Variants in EGF observed in about 807,000 individuals in gnomAD.
The protein encoded by EGF is epidermal growth factor, also known as pro-epidermal growth factor.
A neutral mutation model predicts 143.8 loss-of-function variants in EGF; 95 were observed. That is an observed-to-expected ratio of 0.66 (90% CI 0.56 to 0.78). The LOEUF (loss-of-function observed/expected upper bound fraction) is 0.78, where lower values mean the gene tolerates loss of function less well. Among genes scored for constraint, EGF ranks in the 30% least tolerant of loss-of-function variants. The pLI is 0.00. For missense variants in EGF, 1,320 were observed against 1,470.9 expected (o/e 0.90, Z 1.68); for synonymous variants, 510 against 510.5 (o/e 1.00, Z 0.01).
Position 109,963,225 on chromosome 4 carries a change from C to G in EGF, c.1365C>G (p.Ser455Arg). The G allele has an allele frequency of 6.2e-7, 1 of 1,614,024 alleles. No individual in the cohort carries two copies. Among genetic ancestry groups the G allele is most frequent in the Non-Finnish European group, 8.5e-7 (1 of 1,179,948 alleles). ...GGCSQLCVPLSPVSWECDCFP... is the reference protein window; with the variant it reads ...GGCSQLCVPLRPVSWECDCFP... ...GTAGCCAGCTCTGCGTTCCTCTTAG[C>G]CCAGTATCCTGGGAATGTGATTGCT... is the stretch of plus-strand genomic sequence containing the variant. Residue 455 changes from serine (S) to arginine (R), a missense_variant, in exon 9 of 24, where the codon AGC becomes AGG. By Grantham distance (110) the Ser-to-Arg change is moderately radical. Transcript: ENST00000265171.
intron 15 of EGF, among the ~76,000 whole-genome samples, chr4:109,982,743 CA>C (rs751609049): frequency 1.3e-5 from 2 of 152,060 alleles, no homozygotes; most frequent in Non-Finnish European, 2.9e-5. Flanking sequence ...AGCTGTTGCC[CA>C]CATTCCTTTT....
chr4:109,919,342 ATC>A (rs1426945677), intron 1 of EGF, among the ~76,000 whole-genome samples: 12 of 50,510 alleles, frequency 2.4e-4, no homozygotes, highest in East Asian at 4.5e-4. Context: ...TCTCTCTCTC[ATC>A]TCTCTCTCTC....
chr4:109,940,445 A>G (rs1050220149), intron 1 of EGF, among the ~76,000 whole-genome samples: 8 of 152,118 alleles, frequency 5.3e-5, no homozygotes, highest in African/African-American at 1.7e-4. Context: ...CAGCATTTCA[A>G]TTTTTCCTGC....
At chr4:109,943,158 T>A (rs773188541) in intron 2 of EGF, 96 bp from the exon 3 acceptor site, 28 of 875,416 alleles carry the variant, frequency 3.2e-5, no homozygotes, top group Non-Finnish European at 4.6e-5. Flanking sequence ...AGATGACAAA[T>A]ACTTAAAAGA....
chr4:110,004,027 T>C (rs1426917929), intron 21 of EGF, among the ~76,000 whole-genome samples: 2 of 152,096 alleles, frequency 1.3e-5, no homozygotes, highest in Non-Finnish European at 1.5e-5. Context: ...GGAGCTAACA[T>C]AGTCTGCCTC....
At chr4:109,990,649 T>C (rs1315050835) in intron 18 of EGF, among the ~76,000 whole-genome samples, 2 of 152,146 alleles carry the variant, frequency 1.3e-5, no homozygotes, top group East Asian at 3.8e-4. Flanking sequence ...CCTCTCATGG[T>C]TCTGGAGGCT....
chr4:109,927,084 C>CA (rs1738812210), intron 1 of EGF, among the ~76,000 whole-genome samples: 1 of 152,134 alleles, frequency 6.6e-6, no homozygotes, highest in Admixed American at 6.5e-5. Context: ...GGTTAGTTTT[C>CA]ATTTACTGTT....
chr4:109,983,958 G>C (rs1486153834), intron 16 of EGF, among the ~76,000 whole-genome samples: 3 of 152,190 alleles, frequency 2.0e-5, no homozygotes, highest in Admixed American at 6.5e-5. Context: ...GCTGCAGAAA[G>C]TCCACAAACA....
chr4:110,003,572 A>C (rs1752857012), intron 21 of EGF, among the ~76,000 whole-genome samples: 1 of 152,140 alleles, frequency 6.6e-6, no homozygotes. Flanking sequence ...AGAGGGTTGC[A>C]TTCCTAGAGG....
In EGF at chr4:109,983,448, G is replaced by A. The variant is rs1467063029; in HGVS notation, c.2398G>A (p.Val800Ile). ...TGGTGAAGTTGATCTAAAGAACCAA[G>A]TAACACCATTGGACATCTTGTCCAA... ...AGGEVDLKNQ[V>I]TPLDILSKTR... Residue 800 changes from valine (V) to isoleucine (I), a missense_variant, in exon 16 of 24, where the codon GTA (valine) becomes ATA (isoleucine). Coordinates refer to ENST00000265171, the MANE Select transcript of EGF (RefSeq NM_001963.6). The A allele has an allele frequency of 6.2e-7, 1 of 1,613,632 alleles. No homozygotes were observed. The highest frequency in any genetic ancestry group is 1.7e-5 in the Admixed American group (1 of 59,986).
At chr4:109,955,625 A>G (rs1744670729) in intron 5 of EGF, among the ~76,000 whole-genome samples, 3 of 152,196 alleles carry the variant, frequency 2.0e-5, no homozygotes, top group Admixed American at 2.0e-4. Flanking sequence ...GGTATAGTGG[A>G]AAAAGTACTG....
chr4:109,955,163 G>A lies in EGF; in HGVS notation c.941-4149G>A, dbSNP rs938993782. ...CCCAAGTGCATTGTTTCAGAACTGG[G>A]CCAGGGTAAAATCTACAGATTCACT... On this transcript the variant is annotated intron_variant, in intron 5 of 23. Coordinates refer to ENST00000265171, the MANE Select transcript of EGF (RefSeq NM_001963.6). 1.2e-4 allele frequency among the ~76,000 whole-genome samples: 18 copies of A among 152,172 alleles called. 1 individual carries two copies.
intron 14 of EGF, 140 bp downstream of exon 14, chr4:109,980,279 G>C: frequency 1.1e-6 from 1 of 921,902 alleles, no homozygotes; most frequent in Non-Finnish European, 1.5e-6. Context: ...GATTTTCTAA[G>C]ATTTAAGTTT....
chr4:109,937,694 G>C (rs540699307), intron 1 of EGF, among the ~76,000 whole-genome samples: 17 of 152,146 alleles, frequency 1.1e-4, no homozygotes, highest in Non-Finnish European at 2.5e-4. Flanking sequence ...GGGAGCTCTT[G>C]TAAGGCAGGC....
At position 109,943,828 on chromosome 4, in the gene EGF, G is replaced by A. The variant is rs375101300; in HGVS notation, c.510-14G>A. ...ACATTCATTTTTGGGTCTATGTAAT[G>A]TGTTTGCCCTCAGGTTTATATTTTG... On this transcript the variant is annotated splice_polypyrimidine_tract_variant and intron_variant, in intron 3 of 23. Coordinates refer to ENST00000265171, the MANE Select transcript of EGF (RefSeq NM_001963.6). 3 of 1,612,064 alleles carry A rather than the reference G, an allele frequency of 1.9e-6. No individual in the cohort carries two copies. The highest frequency in any genetic ancestry group is 2.7e-5 in the African/African-American group (2 of 74,882).
At chr4:110,005,538 GTTCT>G (rs1438832521) in intron 22 of EGF, among the ~76,000 whole-genome samples, 1 of 152,024 alleles carries the variant, frequency 6.6e-6, no homozygotes. Flanking sequence ...ATTTAACTGG[GTTCT>G]TTATTTTATC....
intron 5 of EGF, among the ~76,000 whole-genome samples, chr4:109,946,171 C>A (rs7668040): frequency 8.9e-4 from 136 of 152,284 alleles, no homozygotes; most frequent in South Asian, 8.3e-3. Flanking sequence ...ATTGCCACTG[C>A]CATAGTCTAA....
intron 1 of EGF, among the ~76,000 whole-genome samples, chr4:109,928,255 T>C (rs1437406625): frequency 6.6e-6 from 1 of 152,108 alleles, no homozygotes; most frequent in Non-Finnish European, 1.5e-5. Context: ...ATAATAAACA[T>C]CAATCAATAC....
chr4:109,963,340 A>G (rs41434845), intron 9 of EGF, 42 bp downstream of exon 9: 9 of 1,613,370 alleles, frequency 5.6e-6, no homozygotes, highest in African/African-American at 4.0e-5. Flanking sequence ...CTGAAAAAAA[A>G]TTCATGAAAA....
Sources: gnomAD v4.1 joint callset for allele counts (sites outside exome capture counted in the v4.1 genomes callset) on GRCh38, gnomAD v4.1.1 for gene constraint, MANE v1.5 for transcripts, NCBI Gene and HGNC (gene_info 2026-07-23, HGNC 2026-07-21) for gene names.